Variants in MFHAS1 observed in about 807,000 individuals in gnomAD.
The protein encoded by MFHAS1 is multifunctional ROCO family signaling regulator 1, also known as malignant fibrous histiocytoma-amplified sequence 1.
A neutral mutation model predicts 70.4 loss-of-function variants in MFHAS1; 50 were observed. The observed-to-expected ratio is 0.71, with a 90% confidence interval of 0.57 to 0.90. The LOEUF (loss-of-function observed/expected upper bound fraction) is 0.90. MFHAS1 is among the 40% of genes least tolerant of loss of function. MFHAS1 has a pLI of 0.00. For synonymous variants in MFHAS1, 952 were observed against 620.0 expected, an observed-to-expected ratio of 1.54 and a Z score of -7.96; for missense variants, 1,795 against 1,347.6, an observed-to-expected ratio of 1.33 and a Z score of -5.20.
chr8:8,879,612 C>T (rs1809432567), intron 1 of MFHAS1, among the ~76,000 whole-genome samples: 1 of 152,142 alleles, frequency 6.6e-6, no homozygotes, highest in African/African-American at 2.4e-5. Flanking sequence ...AGTAGGATCA[C>T]ATTTTTTTTC....
intron 1 of MFHAS1, chr8:8,822,275 A>T (rs1240944104): frequency 6.6e-6 from 1 of 152,564 alleles, no homozygotes; most frequent in Non-Finnish European, 1.5e-5. Flanking sequence ...GGTCATTTGC[A>T]TCGTGCGCAG....
At position 8,891,885 on chromosome 8, in the gene MFHAS1, T is replaced by C. The variant is rs1288236928; in HGVS notation, c.1174A>G (p.Ile392Val). 6.2e-7 allele frequency: 1 copy of C among 1,611,582 alleles called. No homozygotes were observed. The highest frequency in any genetic ancestry group is 1.1e-5 in the South Asian group (1 of 90,814). The change falls in exon 1 of 3, where the codon ATC (isoleucine) becomes GTC (valine). Residue 392 changes from isoleucine (I) to valine (V), a missense_variant. Coordinates refer to ENST00000276282, the MANE Select transcript of MFHAS1 (RefSeq NM_004225.3). This position sits in a 1 kb window ranked among gnomAD's most constrained non-coding sequence, Gnocchi z 5.4. The stretch of plus-strand genomic sequence containing the variant: ...GCCAGTTCCTTCTGGTAGGCTGCGA[T>C]GTAGGGGATCCCCTTCATGCAGACC... ...YEVCMKGIPY[I>V]AAYQKELAHS...
rs143346462 is a variant in MFHAS1 at position 8,891,514 on chromosome 8, G to A, written c.1545C>T (p.Thr515=). 4 of 1,612,970 alleles carry A rather than the reference G, an allele frequency of 2.5e-6. No homozygotes were observed. Among genetic ancestry groups the A allele is most frequent in the Non-Finnish European group, 1.7e-6 (2 of 1,180,044 alleles). Residue 515 remains threonine (T), a synonymous_variant, in exon 1 of 3, where the codon ACC becomes ACT. Coordinates refer to ENST00000276282, the MANE Select transcript of MFHAS1 (RefSeq NM_004225.3). This position sits in a 1 kb window ranked among gnomAD's most constrained non-coding sequence, Gnocchi z 5.4. Reference sequence around the variant, plus strand: ...CGACCCGATGCAAGAAGGAGCCCACGGTGGTAGGAAAGTGGCGAGGCTCAT... The same window carrying A: ...CGACCCGATGCAAGAAGGAGCCCACAGTGGTAGGAAAGTGGCGAGGCTCAT... ...ATYEPRHFPT[T]VGSFLHRVGA...
chr8:8,846,861 T>C (rs1326713562), intron 1 of MFHAS1, among the ~76,000 whole-genome samples: 2 of 152,274 alleles, frequency 1.3e-5, no homozygotes, highest in East Asian at 3.9e-4. Context: ...ATCACAAGTA[T>C]GTAAAACCCA....
chr8:8,810,698 G>A (rs145871979), intron 1 of MFHAS1, among the ~76,000 whole-genome samples: 184 of 152,268 alleles, frequency 1.2e-3, no homozygotes, highest in Middle Eastern at 6.8e-3. Context: ...GATGTTATCC[G>A]TTAAGGCTTC....
intron 1 of MFHAS1, among the ~76,000 whole-genome samples, chr8:8,855,795 G>C (rs991739916): frequency 1.3e-5 from 2 of 152,310 alleles, no homozygotes; most frequent in Admixed American, 1.3e-4. Context: ...GGCTGAGGTT[G>C]CAGTGAGCCG....
intron 1 of MFHAS1, among the ~76,000 whole-genome samples, chr8:8,843,242 G>C (rs1028036698): frequency 6.6e-6 from 1 of 151,126 alleles, no homozygotes; most frequent in Non-Finnish European, 1.5e-5. Context: ...GCAGTCCGCA[G>C]TCCCGCCTGG....
intron 1 of MFHAS1, among the ~76,000 whole-genome samples, chr8:8,830,787 G>A (rs895156342): frequency 4.6e-5 from 7 of 152,062 alleles, no homozygotes; most frequent in African/African-American, 7.3e-5. Flanking sequence ...TAGTAGAGGC[G>A]GAGTTTTGCC....
In MFHAS1 at chr8:8,890,545, G is replaced by C. The variant is rs1809956850; in HGVS notation, c.2514C>G (p.Gly838=). Residue 838 remains glycine, a synonymous_variant, in exon 1 of 3, where the codon GGC becomes GGG. Coordinates refer to ENST00000276282, the MANE Select transcript of MFHAS1 (RefSeq NM_004225.3). ...GLCYCLNKPK[G]KPLNGSTAWY... ...AAGCTGTGGACCCATTCAAAGGCTT[G>C]CCCTTGGGTTTATTGAGGCAGTAAC... 4 of 1,613,478 alleles carry C rather than the reference G, an allele frequency of 2.5e-6. No homozygotes were observed. Among genetic ancestry groups the C allele is most frequent in the Non-Finnish European group, 2.5e-6 (3 of 1,180,046 alleles).
In MFHAS1 at chr8:8,890,302, A is replaced by G; in HGVS notation, c.2757T>C (p.Tyr919=). 6.2e-7 allele frequency: 1 copy of G among 1,614,216 alleles called. No homozygotes were observed. The highest frequency in any genetic ancestry group is 8.5e-7 in the Non-Finnish European group (1 of 1,180,036). ...RSDGKFQIFA[Y]RGKVPVVVSY... Reference sequence around the variant, plus strand: ...TCACAACCACAGGAACTTTCCCTCTATAGGCAAAGATCTGAAATTTACCAT... The same window carrying G: ...TCACAACCACAGGAACTTTCCCTCTGTAGGCAAAGATCTGAAATTTACCAT... The change falls in exon 1 of 3, where the codon TAT becomes TAC. Residue 919 remains tyrosine, a synonymous_variant. Transcript: ENST00000276282.
chr8:8,792,186 G>A (rs377360572), intron 2 of MFHAS1, among the ~76,000 whole-genome samples: 47 of 152,198 alleles, frequency 3.1e-4, no homozygotes, highest in African/African-American at 8.4e-4. Context: ...GCAGTGAGCC[G>A]AGATCATGCC....
chr8:8,819,280 A>AT (rs1294183590), intron 1 of MFHAS1, among the ~76,000 whole-genome samples: 4 of 152,270 alleles, frequency 2.6e-5, no homozygotes, highest in East Asian at 1.9e-4. Flanking sequence ...AAATCTCTAG[A>AT]TTTTTTAAAC....
chr8:8,879,613 A>AT (rs749469019), intron 1 of MFHAS1, among the ~76,000 whole-genome samples: 14 of 152,106 alleles, frequency 9.2e-5, no homozygotes, highest in Admixed American at 3.9e-4. Flanking sequence ...GTAGGATCAC[A>AT]TTTTTTTTCT....
At chr8:8,856,415 G>A (rs540538546) in intron 1 of MFHAS1, among the ~76,000 whole-genome samples, 1 of 152,178 alleles carries the variant, frequency 6.6e-6, no homozygotes, top group Non-Finnish European at 1.5e-5. Flanking sequence ...ACGCAGAAAA[G>A]AAAAGAAGCA....
Position 8,892,448 on chromosome 8 carries a change from A to C in MFHAS1, c.611T>G (p.Val204Gly). 6.2e-7 allele frequency: 1 copy of C among 1,611,194 alleles called. No homozygotes were observed. The highest frequency in any genetic ancestry group is 2.2e-5 in the East Asian group (1 of 44,718). ...GGACACGTCCAGCTCCTCCAGGGCC[A>C]CCAGCTGCAGCAGCTGCCGGGGGAA... ...TAFPRQLLQL[V>G]ALEELDVSSN... is the part of the protein sequence containing the mutation. The change falls in exon 1 of 3, where the codon GTG becomes GGG. Residue 204 changes from valine to glycine, a missense_variant. Physicochemically the swap from Val to Gly is moderately radical, Grantham distance 109. Transcript: ENST00000276282. This position sits in a 1 kb window ranked among gnomAD's most constrained non-coding sequence, Gnocchi z 4.7.
At chr8:8,889,622 A>T (rs1044089467) in intron 1 of MFHAS1, among the ~76,000 whole-genome samples, 2 of 152,192 alleles carry the variant, frequency 1.3e-5, no homozygotes, top group Non-Finnish European at 1.5e-5. Flanking sequence ...TAAGTTTTTT[A>T]AAAAATTGTG....
chr8:8,841,892 G>C (rs999261635), intron 1 of MFHAS1, among the ~76,000 whole-genome samples: 2 of 152,180 alleles, frequency 1.3e-5, no homozygotes, highest in African/African-American at 4.8e-5. Flanking sequence ...AACCTTATGT[G>C]AGATTTTCTG....
At chr8:8,886,152 C>A (rs1291609141) in intron 1 of MFHAS1, among the ~76,000 whole-genome samples, 1 of 151,632 alleles carries the variant, frequency 6.6e-6, no homozygotes, top group African/African-American at 2.4e-5. Flanking sequence ...AACTATGAAA[C>A]TAGTGATTGC....
intron 1 of MFHAS1, among the ~76,000 whole-genome samples, chr8:8,823,885 C>T (rs539329935): frequency 7.7e-6 from 1 of 130,104 alleles, no homozygotes; most frequent in East Asian, 2.2e-4. Context: ...CCACGTCGTG[C>T]ATAATGTATG....
Sources: allele counts gnomAD v4.1 joint callset (sites outside exome capture counted in the v4.1 genomes callset), GRCh38; gene constraint gnomAD v4.1.1; non-coding constraint Gnocchi (gnomAD v3.1); transcripts MANE v1.5; gene names NCBI Gene and HGNC (gene_info 2026-07-23, HGNC 2026-07-21).